Variants in PPME1 observed in about 807,000 individuals in gnomAD.
PPME1 encodes testicular secretory protein Li 39.
Under a neutral mutation model 56.9 loss-of-function variants are expected in PPME1, and 17 were observed. The observed-to-expected ratio is 0.30, with a 90% CI of 0.20 to 0.45. The LOEUF is 0.45. PPME1 is among the 20% of genes least tolerant of loss of function. The pLI, the probability that PPME1 is intolerant of heterozygous loss-of-function variation, is 1.00. For synonymous variants in PPME1, 122 were observed against 156.2 expected, an observed-to-expected ratio of 0.78 and a Z score of 1.63; for missense variants, 357 against 483.2, an observed-to-expected ratio of 0.74 and a Z score of 2.45.
chr11:74,235,101 A>G (rs1215596307), intron 7 of PPME1, among the ~76,000 whole-genome samples: 2 of 152,142 alleles, frequency 1.3e-5, no homozygotes, highest in Non-Finnish European at 2.9e-5. Context: ...TTATCTGAGG[A>G]GAGGGGCTTT....
chr11:74,177,526 G>A (rs1164649038), intron 1 of PPME1, among the ~76,000 whole-genome samples: 9 of 151,576 alleles, frequency 5.9e-5, no homozygotes, highest in Non-Finnish European at 1.3e-4. Flanking sequence ...ATATAAATCC[G>A]GGTCTGTGGA....
At chr11:74,244,027 TTA>T (rs1222418717) in intron 9 of PPME1, among the ~76,000 whole-genome samples, 2 of 152,204 alleles carry the variant, frequency 1.3e-5, no homozygotes, top group African/African-American at 4.8e-5. Context: ...GGATCATATA[TTA>T]TATGTCTTTT....
intron 9 of PPME1, among the ~76,000 whole-genome samples, chr11:74,240,291 C>T (rs772213702): frequency 3.9e-5 from 6 of 152,114 alleles, no homozygotes; most frequent in Non-Finnish European, 8.8e-5. Flanking sequence ...GTCCTCTGTG[C>T]AAGAATTGTA....
chr11:74,218,927 AAAC>A (rs1453735105), intron 3 of PPME1, among the ~76,000 whole-genome samples: 2 of 152,158 alleles, frequency 1.3e-5, no homozygotes, highest in African/African-American at 2.4e-5. Flanking sequence ...ACAGCAAAGG[AAAC>A]AACAAAGTGA....
intron 3 of PPME1, among the ~76,000 whole-genome samples, chr11:74,210,135 T>G (rs1461563778): frequency 6.6e-6 from 1 of 152,178 alleles, no homozygotes; most frequent in Non-Finnish European, 1.5e-5. Flanking sequence ...AGATTGATAG[T>G]GTGGTAAAAT....
chr11:74,252,213 G>A (rs1033322308), intron 13 of PPME1, among the ~76,000 whole-genome samples: 1 of 146,620 alleles, frequency 6.8e-6, no homozygotes, highest in Non-Finnish European at 1.5e-5. Context: ...GATCACAGGC[G>A]TACGCCACCG....
chr11:74,242,900 A>C (rs1180613832), intron 9 of PPME1, among the ~76,000 whole-genome samples: 1 of 151,586 alleles, frequency 6.6e-6, no homozygotes, highest in Non-Finnish European at 1.5e-5. Context: ...AAAAAAAAAA[A>C]AAACAGGCTG....
chr11:74,184,572 G>T (rs1857622491), intron 1 of PPME1, among the ~76,000 whole-genome samples: 1 of 152,140 alleles, frequency 6.6e-6, no homozygotes, highest in South Asian at 2.1e-4. Context: ...AGTAAGGGTG[G>T]TACTTTAAAT....
chr11:74,187,323 C>G (rs1043510034), intron 1 of PPME1, among the ~76,000 whole-genome samples: 1 of 152,122 alleles, frequency 6.6e-6, no homozygotes, highest in Non-Finnish European at 1.5e-5. Flanking sequence ...ATCTATAGAT[C>G]AATTTGAGAA....
intron 3 of PPME1, among the ~76,000 whole-genome samples, chr11:74,215,832 A>G (rs537377719): frequency 2.6e-5 from 4 of 152,336 alleles, no homozygotes; most frequent in Admixed American, 6.5e-5. Context: ...ATGCTGATGC[A>G]AACTAAAAAG....
chr11:74,250,816 C>G (rs1859638368), intron 11 of PPME1, 138 bp from the exon 12 acceptor site: 1 of 671,120 alleles, frequency 1.5e-6, no homozygotes, highest in East Asian at 2.7e-5. Context: ...CTCAGCAAGA[C>G]TTGATAATTG....
At chr11:74,218,980 A>C (rs904478931) in intron 3 of PPME1, among the ~76,000 whole-genome samples, 1 of 152,210 alleles carries the variant, frequency 6.6e-6, no homozygotes, top group African/African-American at 2.4e-5. Context: ...TTTGCAAACT[A>C]TCCATCTGAC....
intron 1 of PPME1, among the ~76,000 whole-genome samples, chr11:74,188,942 A>G (rs1186394071): frequency 1.3e-5 from 2 of 152,262 alleles, no homozygotes; most frequent in African/African-American, 2.4e-5. Context: ...AATTATTTAC[A>G]TGACTACAAT....
chr11:74,176,553 A>G (rs1857404138), intron 1 of PPME1, among the ~76,000 whole-genome samples: 1 of 151,964 alleles, frequency 6.6e-6, no homozygotes, highest in African/African-American at 2.4e-5. Flanking sequence ...TACAATTACC[A>G]CCACTAATTG....
Position 74,239,114 on chromosome 11 carries a change from C to T in PPME1, c.711-19C>T, listed in dbSNP as rs763448521. The T allele has an allele frequency of 7.5e-6, 12 of 1,605,944 alleles. No individual in the cohort carries two copies. In the South Asian group the frequency reaches 1.2e-4, roughly 16 times the overall value. On this transcript the variant is annotated intron_variant, in intron 8 of 13. Transcript: ENST00000328257. ...TATTGGAAAGAGGTGTGTAATAGCACTTTTTTAAAAAAACCTAGGTGTGAA... is the reference window on the plus strand; with the variant it reads ...TATTGGAAAGAGGTGTGTAATAGCATTTTTTTAAAAAAACCTAGGTGTGAA...
chr11:74,223,163 G>C (rs1284427431), intron 4 of PPME1, among the ~76,000 whole-genome samples: 2 of 149,510 alleles, frequency 1.3e-5, no homozygotes, highest in African/African-American at 2.5e-5. Flanking sequence ...TCATTGTTCA[G>C]TTCCCACCTA....
Position 74,204,337 on chromosome 11 carries a change from C to G in PPME1, c.196-16C>G. The stretch of plus-strand genomic sequence containing the variant: ...GTGAGCAAAAACATAGATGTTTTAT[C>G]TTTAACTATTCATACACTTTTCGAG... On this transcript the variant is annotated splice_polypyrimidine_tract_variant and intron_variant, in intron 2 of 13. Transcript: ENST00000328257. 15 of 1,587,648 alleles carry G rather than the reference C, an allele frequency of 9.4e-6. No individual in the cohort carries two copies. Among genetic ancestry groups the G allele is most frequent in the Non-Finnish European group, 1.3e-5 (15 of 1,158,020 alleles).
chr11:74,206,978 T>A (rs896459785), intron 3 of PPME1, among the ~76,000 whole-genome samples: 1 of 152,170 alleles, frequency 6.6e-6, no homozygotes, highest in African/African-American at 2.4e-5. Context: ...ACTATGAGAT[T>A]AGCCAGATAA....
At chr11:74,179,349 C>T (rs947748303) in intron 1 of PPME1, among the ~76,000 whole-genome samples, 4 of 152,160 alleles carry the variant, frequency 2.6e-5, no homozygotes, top group Admixed American at 1.3e-4. Context: ...AACAAAACAA[C>T]CAGGCATGGT....
Sources: gnomAD v4.1 joint callset for allele counts (sites outside exome capture counted in the v4.1 genomes callset) on GRCh38, gnomAD v4.1.1 for gene constraint, MANE v1.5 for transcripts, NCBI Gene and HGNC (gene_info 2026-07-23, HGNC 2026-07-21) for gene names.